The following FLNB variants were observed in gnomAD, a reference collection of about 807,000 sequenced individuals.
The protein encoded by FLNB is filamin-B.
A neutral mutation model predicts 250.6 loss-of-function variants in FLNB; 111 were observed. The ratio of observed to expected loss-of-function variants is 0.44; its 90% CI spans 0.38 to 0.52. The LOEUF (loss-of-function observed/expected upper bound fraction) is 0.52, where lower values mean the gene tolerates loss of function less well. FLNB is among the 20% of genes least tolerant of loss of function. The pLI is 0.00. For synonymous variants in FLNB, 1,302 were observed against 1,372.1 expected, an observed-to-expected ratio of 0.95 and a Z score of 1.13; for missense variants, 2,869 against 3,447.8, an observed-to-expected ratio of 0.83 and a Z score of 4.20.
Position 58,056,097 on chromosome 3 carries a change from A to AT in FLNB, c.293-20946dup, listed in dbSNP as rs1434814413. ...ATTTTATTTATTTATTTATTTATTT[A>AT]TTTATTTATTTTTTTTTTTTTTGAG... On this transcript the variant is annotated intron_variant, in intron 1 of 45. Coordinates refer to ENST00000295956, the MANE Select transcript of FLNB (RefSeq NM_001457.4). 1.2e-3 allele frequency among the ~76,000 whole-genome samples: 155 copies of AT among 131,478 alleles called. 1 individual carries two copies. The highest frequency in any genetic ancestry group is 4.3e-3 in the African/African-American group (105 of 24,644). The allele number at this position is 131,478 out of a possible 152,430, so 86.3% of individuals were successfully genotyped here.
chr3:58,112,133 C>T lies in FLNB; in HGVS notation c.2576-16C>T, dbSNP rs1340186767. On this transcript the variant is annotated splice_polypyrimidine_tract_variant and intron_variant, in intron 17 of 45. Transcript: ENST00000295956. ...CCAGCTGGTCTGTCTCCTCACTTCA[C>T]AGTATATCTTTCCAGGTGTGGAAAA... 1 of 1,613,132 alleles carries T rather than the reference C, an allele frequency of 6.2e-7. No individual in the cohort carries two copies. The highest frequency in any genetic ancestry group is 1.3e-5 in the African/African-American group (1 of 74,918).
chr3:58,135,912 A>G, intron 27 of FLNB, 67 bp from the exon 28 acceptor site: 12 of 1,505,652 alleles, frequency 8.0e-6, no homozygotes, highest in Non-Finnish European at 1.1e-5. Flanking sequence ...AAAATATGTC[A>G]GGGTTTTCCA....
At chr3:58,071,627 C>G (rs2097194731) in intron 1 of FLNB, among the ~76,000 whole-genome samples, 1 of 152,170 alleles carries the variant, frequency 6.6e-6, no homozygotes, top group Non-Finnish European at 1.5e-5. Flanking sequence ...GACTCAGCAG[C>G]TACCTGCATT....
chr3:58,072,497 C>T (rs1359386355), intron 1 of FLNB, among the ~76,000 whole-genome samples: 1 of 152,158 alleles, frequency 6.6e-6, no homozygotes, highest in Non-Finnish European at 1.5e-5. Context: ...GTCTCATCTA[C>T]GTGATGGTCA....
chr3:58,044,396 A>G (rs1405816726), intron 1 of FLNB, among the ~76,000 whole-genome samples: 1 of 152,080 alleles, frequency 6.6e-6, no homozygotes, highest in African/African-American at 2.4e-5. Flanking sequence ...CAGAAGTTCA[A>G]AGCCAGAGTG....
At chr3:58,132,358 G>A (rs2097308887) in intron 25 of FLNB, 1 of 414,964 alleles carries the variant, frequency 2.4e-6, no homozygotes. Context: ...CTCAAAGGTG[G>A]CCACAAGTCT....
At chr3:58,115,204 G>A (rs1004373697) in intron 18 of FLNB, among the ~76,000 whole-genome samples, 8 of 152,256 alleles carry the variant, frequency 5.3e-5, no homozygotes, top group Middle Eastern at 3.4e-3. Context: ...CCTGCTGATG[G>A]TTCTGAGGGT....
chr3:58,044,263 A>G (rs1268539488), intron 1 of FLNB, among the ~76,000 whole-genome samples: 1 of 152,080 alleles, frequency 6.6e-6, no homozygotes. Flanking sequence ...GGTGCCTCTC[A>G]TTGTCTGGTT....
rs1220601246 is a variant in FLNB, at chr3:58,109,563, A to C, written c.2200-13A>C. The C allele has an allele frequency of 1.2e-6, 2 of 1,614,110 alleles. No individual in the cohort carries two copies. The highest frequency in any genetic ancestry group is 1.7e-6 in the Non-Finnish European group (2 of 1,180,044). The stretch of plus-strand genomic sequence containing the variant: ...GGAGGAGAACTTGATGACCTTCTCC[A>C]TGTCTTCTCTAGGTCAACATCGGGC... On this transcript the variant is annotated splice_polypyrimidine_tract_variant and intron_variant, in intron 14 of 45. Transcript: ENST00000295956.
At chr3:58,042,731 C>T (rs1038082390) in intron 1 of FLNB, among the ~76,000 whole-genome samples, 2 of 152,082 alleles carry the variant, frequency 1.3e-5, no homozygotes, top group South Asian at 2.1e-4. Context: ...GTTGCCCAGG[C>T]TGGTCTCGAA....
chr3:58,104,194 A>T (rs2097255640), intron 10 of FLNB, 109 bp downstream of exon 10: 2 of 1,141,306 alleles, frequency 1.8e-6, no homozygotes, highest in East Asian at 5.0e-5. Flanking sequence ...TGCTTTGTTG[A>T]AAACTTTTTT....
chr3:58,098,566 C>G (rs540115216), intron 7 of FLNB, 145 bp from the exon 8 acceptor site: 1 of 704,654 alleles, frequency 1.4e-6, no homozygotes, highest in East Asian at 2.7e-5. Context: ...ATCCTGACCT[C>G]AAGTGATCTA....
At chr3:58,159,776 G>A (rs2097358644) in intron 42 of FLNB, 90 bp downstream of exon 42, 4 of 1,367,262 alleles carry the variant, frequency 2.9e-6, no homozygotes, top group Non-Finnish European at 4.1e-6. Context: ...GGGCTGATCA[G>A]TTTCATTACT....
intron 9 of FLNB, 43 bp from the exon 10 acceptor site, chr3:58,103,916 G>T (rs751576037): frequency 4.3e-6 from 7 of 1,612,906 alleles, no homozygotes; most frequent in East Asian, 4.5e-5. Context: ...CTCATTTTGG[G>T]CCTAGGATTG....
chr3:58,078,470 G>A, intron 2 of FLNB: 8 of 1,536,066 alleles, frequency 5.2e-6, no homozygotes, highest in Non-Finnish European at 7.0e-6. Flanking sequence ...TCAAGGAATG[G>A]ATAATCCCCA....
intron 1 of FLNB, among the ~76,000 whole-genome samples, chr3:58,024,786 T>G (rs1021758387): frequency 1.3e-4 from 19 of 145,414 alleles, no homozygotes; most frequent in African/African-American, 4.5e-4. Flanking sequence ...CAGTCTTGGC[T>G]CACTGCAACC....
chr3:58,098,266 C>A (rs1238318397), intron 7 of FLNB, among the ~76,000 whole-genome samples: 1 of 152,102 alleles, frequency 6.6e-6, no homozygotes, highest in African/African-American at 2.4e-5. Context: ...CCCTTCAACC[C>A]CTAGAAAATA....
In FLNB at chr3:58,132,808, G is replaced by T. The variant is rs886044175; in HGVS notation, c.4391G>T (p.Gly1464Val). 9.9e-6 allele frequency: 16 copies of T among 1,613,988 alleles called. No individual in the cohort carries two copies. Among genetic ancestry groups the T allele is most frequent in the Non-Finnish European group, 1.4e-5 (16 of 1,180,012 alleles). Residue 1464 changes from glycine to valine, a missense_variant and splice_region_variant, in exon 26 of 46, where the codon GGC (glycine) becomes GTC (valine). Transcript: ENST00000295956. ...TTAAACCTCTCATCTCTGTCCTCAGGCTTGGTGGAGCCAGTGAACGTGGTG... is the reference window on the plus strand; with the variant it reads ...TTAAACCTCTCATCTCTGTCCTCAGTCTTGGTGGAGCCAGTGAACGTGGTG... ...PLEVRVLGPR[G>V]LVEPVNVVDN...
chr3:58,047,797 C>G (rs2097156329), intron 1 of FLNB, among the ~76,000 whole-genome samples: 3 of 152,118 alleles, frequency 2.0e-5, no homozygotes, highest in Admixed American at 6.6e-5. Flanking sequence ...CTATTGACCT[C>G]AAGTGATCCT....
Sources: gnomAD v4.1 joint callset for allele counts (sites outside exome capture counted in the v4.1 genomes callset) on GRCh38, gnomAD v4.1.1 for gene constraint, MANE v1.5 for transcripts, NCBI Gene and HGNC (gene_info 2026-07-23, HGNC 2026-07-21) for gene names.